Variants in NOTCH2 observed in about 807,000 individuals in gnomAD.
The protein encoded by NOTCH2 is neurogenic locus notch homolog protein 2.
In NOTCH2, 29 loss-of-function variants were observed where a neutral mutation model predicts 235.8. That is an observed-to-expected ratio of 0.12 (90% confidence interval 0.09 to 0.17). The LOEUF is 0.17. Ranked by LOEUF, NOTCH2 falls within the 10% of genes least tolerant of loss-of-function variation. The pLI is 1.00. For missense variants in NOTCH2, 2,285 were observed against 3,150.2 expected, an observed-to-expected ratio of 0.73 and a Z score of 6.57; for synonymous variants, 1,086 against 1,141.5, an observed-to-expected ratio of 0.95 and a Z score of 0.98.
chr1:120,065,419 G>A (rs1247430562), intron 1 of NOTCH2, among the ~76,000 whole-genome samples: 3 of 152,122 alleles, frequency 2.0e-5, no homozygotes, highest in Non-Finnish European at 4.4e-5. Flanking sequence ...CCTCATGTAC[G>A]CATTAACAAT....
At chr1:120,042,038 C>A (rs1275838635) in intron 1 of NOTCH2, among the ~76,000 whole-genome samples, 1 of 139,176 alleles carries the variant, frequency 7.2e-6, no homozygotes, top group Admixed American at 6.9e-5. Flanking sequence ...CCCTGGCCTA[C>A]CTTCCATTTC....
At chr1:119,921,577 G>A (rs1649285357) in intron 29 of NOTCH2, 136 bp downstream of exon 29, 2 of 776,646 alleles carry the variant, frequency 2.6e-6, no homozygotes, top group Non-Finnish European at 2.3e-6. Context: ...GAGAACCTAG[G>A]ATAGTTATTG....
At chr1:120,036,921 T>A (rs1467257293) in intron 1 of NOTCH2, among the ~76,000 whole-genome samples, 1 of 152,228 alleles carries the variant, frequency 6.6e-6, no homozygotes, top group Non-Finnish European at 1.5e-5. Flanking sequence ...CAGCTACATA[T>A]CACTGGCTTA....
At chr1:120,011,744 C>T (rs1373422893) in intron 2 of NOTCH2, among the ~76,000 whole-genome samples, 3 of 152,056 alleles carry the variant, frequency 2.0e-5, no homozygotes, top group Admixed American at 1.3e-4. Flanking sequence ...AGGCCGGGCG[C>T]GGTGGCTCAC....
intron 2 of NOTCH2, among the ~76,000 whole-genome samples, chr1:120,029,049 C>T (rs1484268736): frequency 6.6e-6 from 1 of 150,554 alleles, no homozygotes; most frequent in East Asian, 2.0e-4. Flanking sequence ...AACTAGCCTA[C>T]ATTTTCCTTC....
At chr1:119,956,740 T>C (rs1650716347) in intron 12 of NOTCH2, among the ~76,000 whole-genome samples, 1 of 152,182 alleles carries the variant, frequency 6.6e-6, no homozygotes, top group South Asian at 2.1e-4. Context: ...CTTGGAAGCG[T>C]CTCCTCAGAA....
chr1:120,069,377 C>G lies in NOTCH2; in HGVS notation c.30G>C (p.Trp10Cys). The change falls in exon 1 of 34, where the codon TGG (tryptophan) becomes TGC (cysteine). Residue 10 changes from tryptophan (W) to cysteine (C), a missense_variant. Physicochemically the swap from Trp to Cys is radical, Grantham distance 215. Transcript: ENST00000256646. The part of the protein sequence containing the change: MPALRPALL[W>C]ALLALWLCCA... Reference sequence around the variant, plus strand: ...AGCACAGCCAGAGCGCCAGCAGCGCCCACAGCAGAGCGGGGCGCAGGGCGG... The same window carrying G: ...AGCACAGCCAGAGCGCCAGCAGCGCGCACAGCAGAGCGGGGCGCAGGGCGG... 1 of 1,568,232 alleles carries G rather than the reference C, an allele frequency of 6.4e-7. No homozygotes were observed. Among genetic ancestry groups the G allele is most frequent in the Non-Finnish European group, 8.6e-7 (1 of 1,165,608 alleles).
intron 25 of NOTCH2, 128 bp from the exon 26 acceptor site, chr1:119,924,112 G>T: frequency 1.3e-6 from 1 of 780,632 alleles, no homozygotes; most frequent in Non-Finnish European, 2.2e-6. Context: ...GGACCCAAAT[G>T]CCCCACAAAA....
At chr1:120,038,037 G>A (rs1386555343) in intron 1 of NOTCH2, among the ~76,000 whole-genome samples, 1 of 151,640 alleles carries the variant, frequency 6.6e-6, no homozygotes, top group Non-Finnish European at 1.5e-5. Flanking sequence ...TTATAATATT[G>A]AACTTATTGC....
intron 1 of NOTCH2, among the ~76,000 whole-genome samples, chr1:120,063,698 C>G (rs3124822): frequency 6.6e-6 from 1 of 151,910 alleles, no homozygotes; most frequent in African/African-American, 2.4e-5. Flanking sequence ...AACAAACAAA[C>G]AAAAACACTT....
At chr1:119,947,120 T>G (rs1650287030) in intron 17 of NOTCH2, among the ~76,000 whole-genome samples, 1 of 152,144 alleles carries the variant, frequency 6.6e-6, no homozygotes, top group Admixed American at 6.5e-5. Flanking sequence ...AAATTTGGAT[T>G]AGGTGAAGAT....
chr1:119,959,568 T>G (rs1553198783), intron 11 of NOTCH2, 66 bp from the exon 12 acceptor site: 1 of 879,462 alleles, frequency 1.1e-6, no homozygotes, highest in Non-Finnish European at 1.9e-6. Context: ...TTTCTGCTTG[T>G]GATGCAGCAA....
chr1:119,919,654 A>G (rs1649203857), intron 30 of NOTCH2, 41 bp from the exon 31 acceptor site: 1 of 1,590,106 alleles, frequency 6.3e-7, no homozygotes, highest in Non-Finnish European at 8.6e-7. Flanking sequence ...CAAGAAGGAG[A>G]AGGTAGTTAA....
At chr1:119,987,695 C>T (rs1320526887) in intron 4 of NOTCH2, among the ~76,000 whole-genome samples, 1 of 152,106 alleles carries the variant, frequency 6.6e-6, no homozygotes, top group East Asian at 1.9e-4. Context: ...ATTCCACTTG[C>T]CTATCCTGTC....
rs587640124 is a variant in NOTCH2, at chr1:119,955,617, C to T, written c.2027-385G>A. ...AAGCATTCATTAACATGCTTTGTGCCGGTTTAGCACAAATTCATTTTCTCA... is the reference window on the plus strand; with the variant it reads ...AAGCATTCATTAACATGCTTTGTGCTGGTTTAGCACAAATTCATTTTCTCA... On this transcript the variant is annotated intron_variant, in intron 12 of 33. Coordinates refer to ENST00000256646, the MANE Select transcript of NOTCH2 (RefSeq NM_024408.4). Among the ~76,000 whole-genome samples, 25 of 152,320 alleles carry T rather than the reference C, an allele frequency of 1.6e-4. No individual in the cohort carries two copies. The East Asian group carries it at 1.7e-3, about 11-fold the overall frequency.
Position 119,916,395 on chromosome 1 carries a change from C to T in NOTCH2, c.6327G>A (p.Lys2109=). 6.2e-7 allele frequency: 1 copy of T among 1,614,182 alleles called. No homozygotes were observed. Among genetic ancestry groups the T allele is most frequent in the Non-Finnish European group, 8.5e-7 (1 of 1,180,030 alleles). Residue 2109 remains lysine, a synonymous_variant, in exon 34 of 34, where the codon AAG becomes AAA. Transcript: ENST00000256646. The stretch of plus-strand genomic sequence containing the variant: ...TAGGGAGGCTAGTAGGCATGGTACT[C>T]TTGGCACTGGGCCGTCTAGACTTCT... ...MGKKSRRPSA[K]STMPTSLPNL...
chr1:120,012,691 T>C (rs1653249212), intron 2 of NOTCH2, among the ~76,000 whole-genome samples: 2 of 152,246 alleles, frequency 1.3e-5, no homozygotes, highest in Admixed American at 1.3e-4. Flanking sequence ...AAGTTGGTTA[T>C]CTGTGAATCT....
intron 6 of NOTCH2, 42 bp downstream of exon 6, chr1:119,969,469 C>T: frequency 6.4e-7 from 1 of 1,556,748 alleles, no homozygotes; most frequent in Non-Finnish European, 8.8e-7. Flanking sequence ...TGAATGCCCC[C>T]TGCCCCTTCC....
intron 1 of NOTCH2, among the ~76,000 whole-genome samples, chr1:120,063,968 T>C (rs2799235): frequency 1.3e-3 from 189 of 150,302 alleles, no homozygotes; most frequent in African/African-American, 3.9e-3. Context: ...AGCAATCACC[T>C]CAGACATGCT....
Sources: gnomAD v4.1 joint callset for allele counts (sites outside exome capture counted in the v4.1 genomes callset) on GRCh38, gnomAD v4.1.1 for gene constraint, MANE v1.5 for transcripts, NCBI Gene and HGNC (gene_info 2026-07-23, HGNC 2026-07-21) for gene names.